Variants in SYNE2 observed in about 807,000 individuals in gnomAD.
SYNE2 encodes spectrin repeat containing nuclear envelope protein 2, also known as nesprin-2.
In SYNE2, 431 loss-of-function variants were observed where a neutral mutation model predicts 856.3. The ratio of observed to expected loss-of-function variants is 0.50; its 90% CI spans 0.47 to 0.55. SYNE2 has a LOEUF of 0.55. SYNE2 is among the 20% of genes least tolerant of loss of function. SYNE2 has a pLI of 0.00. For missense variants in SYNE2, 8,129 were observed against 8,023.2 expected, an observed-to-expected ratio of 1.01 and a Z score of -0.50; for synonymous variants, 2,923 against 2,872.3, an observed-to-expected ratio of 1.02 and a Z score of -0.56.
At chr14:63,900,044 G>T (rs771545954) in intron 1 of SYNE2, among the ~76,000 whole-genome samples, 3 of 152,138 alleles carry the variant, frequency 2.0e-5, no homozygotes, top group Non-Finnish European at 4.4e-5. Flanking sequence ...TACAGCAGTG[G>T]ATACTGAAGT....
upstream of SYNE2, among the ~76,000 whole-genome samples, chr14:63,848,702 A>C (rs1890310140): frequency 6.6e-6 from 1 of 152,174 alleles, no homozygotes; most frequent in Admixed American, 6.5e-5. Context: ...AATTTTTAAA[A>C]TCTAATACTT....
Position 63,770,374 on chromosome 14 carries a change from C to T in SYNE2, c.-305+8388C>T, listed in dbSNP as rs569202675. Among the ~76,000 whole-genome samples, 10 of 152,292 alleles carry T rather than the reference C, an allele frequency of 6.6e-5. No homozygotes were observed. The South Asian group carries it at 2.1e-3, about 32-fold the overall frequency. ...GCTACTATGCCACATTCATCGACCT[C>T]TTTGGGCTCCCTCTGGTGGCACATT... On this transcript the variant is annotated intron_variant, in intron 1 of 23. Transcript: ENST00000674003.
chr14:64,021,836 GTTGT>G lies in SYNE2; in HGVS notation c.5353-14_5353-11del, dbSNP rs1201895779. 6.2e-7 allele frequency: 1 copy of G among 1,612,994 alleles called. No homozygotes were observed. The highest frequency in any genetic ancestry group is 1.7e-5 in the Admixed American group (1 of 59,998). On this transcript the variant is annotated splice_polypyrimidine_tract_variant and intron_variant, in intron 36 of 115. Coordinates refer to ENST00000555002, the MANE Select transcript of SYNE2 (RefSeq NM_182914.3). ...GAGCCTGTTTTAAGATTTAATGGTT[GTTGT>G]TTGTTTATGCATTTAGGAGATACAA...
At chr14:63,864,566 C>T (rs139966308) in intron 1 of SYNE2, 1 of 152,000 alleles carries the variant, frequency 6.6e-6, no homozygotes, top group African/African-American at 2.4e-5. Flanking sequence ...GCAGGGTGAG[C>T]ATGTTTTGAA....
In SYNE2 at chr14:63,994,061, T is replaced by C. The variant is rs571733304; in HGVS notation, c.2781+92T>C. ...GAGCCATTCCTGGGGTTTTCCTGTCTACGTTGTATCACCAGTGGGCTGGTC... is the reference window on the plus strand; with the variant it reads ...GAGCCATTCCTGGGGTTTTCCTGTCCACGTTGTATCACCAGTGGGCTGGTC... On this transcript the variant is annotated intron_variant, in intron 22 of 115. Transcript: ENST00000555002. The C allele has an allele frequency of 1.0e-5, 14 of 1,350,570 alleles. No individual in the cohort carries two copies. The African/African-American group carries it at 2.0e-4, about 19-fold the overall frequency. 83.7% of individuals were successfully genotyped at this position (1,350,570 alleles called of 1,614,324 possible).
At chr14:63,889,678 A>T (rs117063718) in intron 1 of SYNE2, among the ~76,000 whole-genome samples, 1 of 151,900 alleles carries the variant, frequency 6.6e-6, no homozygotes. Flanking sequence ...GGGTCTCCCT[A>T]TGTTGCCTGG....
At chr14:64,055,898 A>G (rs752108709) in intron 48 of SYNE2, 46 bp from the exon 49 acceptor site, 1 of 1,540,770 alleles carries the variant, frequency 6.5e-7, no homozygotes, top group African/African-American at 1.4e-5. Flanking sequence ...CAGGAATTCC[A>G]AAAGTTTGAC....
At chr14:64,045,725 G>T (rs2097181409) in intron 45 of SYNE2, among the ~76,000 whole-genome samples, 1 of 152,214 alleles carries the variant, frequency 6.6e-6, no homozygotes, top group African/African-American at 2.4e-5. Context: ...GAAGTGACTT[G>T]TGCTAAATGC....
chr14:64,223,821 C>T (rs1175184334), intron 113 of SYNE2, among the ~76,000 whole-genome samples: 2 of 152,150 alleles, frequency 1.3e-5, no homozygotes, highest in African/African-American at 4.8e-5. Flanking sequence ...TAGGGCAGGT[C>T]TGTTTTCTCC....
chr14:63,819,381 G>A (rs1037303860), intron 1 of SYNE2, among the ~76,000 whole-genome samples: 5 of 151,888 alleles, frequency 3.3e-5, no homozygotes, highest in Non-Finnish European at 7.4e-5. Context: ...ACAGGTGTCC[G>A]TCACTATGCC....
intron 45 of SYNE2, among the ~76,000 whole-genome samples, chr14:64,040,973 G>GA (rs2097144006): frequency 6.6e-6 from 1 of 151,900 alleles, no homozygotes; most frequent in Non-Finnish European, 1.5e-5. Flanking sequence ...GGCAACTAGA[G>GA]AAAAAAGATT....
At chr14:64,198,078 T>A (rs1220438372) in intron 99 of SYNE2, among the ~76,000 whole-genome samples, 1 of 152,230 alleles carries the variant, frequency 6.6e-6, no homozygotes, top group Non-Finnish European at 1.5e-5. Flanking sequence ...CTGATTCTCA[T>A]AACTGGAATT....
In SYNE2 at chr14:64,101,696, C is replaced by T. The variant is rs181490538; in HGVS notation, c.12382-236C>T. 1.4e-3 allele frequency among the ~76,000 whole-genome samples: 218 copies of T among 152,208 alleles called. 1 individual carries two copies. Among genetic ancestry groups the T allele is most frequent in the African/African-American group, 5.0e-3 (206 of 41,502 alleles). ...AAGATTTCCGTTGTGTGACGTGAGC[C>T]GAGCCCCTACTTTTAAAAGTATTTT... On this transcript the variant is annotated intron_variant, in intron 63 of 115. Coordinates refer to ENST00000555002, the MANE Select transcript of SYNE2 (RefSeq NM_182914.3).
chr14:64,082,574 C>A (rs1382517546), intron 57 of SYNE2, among the ~76,000 whole-genome samples: 1 of 152,068 alleles, frequency 6.6e-6, no homozygotes, highest in Non-Finnish European at 1.5e-5. Flanking sequence ...AAACAGGGAA[C>A]CCAGTCCTAC....
intron 1 of SYNE2, among the ~76,000 whole-genome samples, chr14:63,809,461 A>T (rs1888527101): frequency 6.6e-6 from 1 of 152,146 alleles, no homozygotes; most frequent in Admixed American, 6.6e-5. Context: ...CTATGATCCT[A>T]TAATCAAGTG....
At chr14:64,081,781 A>T (rs1046737013) in intron 57 of SYNE2, among the ~76,000 whole-genome samples, 1 of 152,146 alleles carries the variant, frequency 6.6e-6, no homozygotes, top group Non-Finnish European at 1.5e-5. Context: ...TACTGTCCTG[A>T]TAACTACTTT....
Position 63,927,173 on chromosome 14 carries a change from G to A in SYNE2, c.80-13441G>A, listed in dbSNP as rs185971289. On this transcript the variant is annotated intron_variant, in intron 2 of 115. Transcript: ENST00000555002. ...AAACCATCTAACAATCGAGTAATTC[G>A]GGTAAGTTTGGGACAGATTGGAATG... Among the ~76,000 whole-genome samples the A allele has an allele frequency of 6.9e-3, 1,054 of 152,296 alleles. 18 individuals carry two copies. The highest frequency in any genetic ancestry group is 0.024 in the African/African-American group (1,005 of 41,558).
chr14:64,065,161 C>T lies in SYNE2; in HGVS notation c.10213-271C>T, dbSNP rs536025632. On this transcript the variant is annotated intron_variant, in intron 50 of 115. Transcript: ENST00000555002. Reference sequence around the variant, plus strand: ...CACAGGCATGAGCCACTGCGTCTGGCAAATATTTGCTTTTGAAAGTATGTT... The same window carrying T: ...CACAGGCATGAGCCACTGCGTCTGGTAAATATTTGCTTTTGAAAGTATGTT... Among the ~76,000 whole-genome samples the T allele has an allele frequency of 2.0e-5, 3 of 152,234 alleles. No individual in the cohort carries two copies. The East Asian group carries it at 5.8e-4, about 29-fold the overall frequency.
At chr14:64,090,148 T>G (rs2097597375) in intron 59 of SYNE2, among the ~76,000 whole-genome samples, 1 of 152,170 alleles carries the variant, frequency 6.6e-6, no homozygotes, top group Non-Finnish European at 1.5e-5. Context: ...CTCAGCCTAG[T>G]GATTGAGAGC....
Sources: allele counts gnomAD v4.1 joint callset (sites outside exome capture counted in the v4.1 genomes callset), GRCh38; gene constraint gnomAD v4.1.1; transcripts MANE v1.5; gene names NCBI Gene and HGNC (gene_info 2026-07-23, HGNC 2026-07-21).